Variants in BCAS3 observed in about 807,000 individuals in gnomAD.
BCAS3 encodes the protein BCAS4/BCAS3 fusion.
Under a neutral mutation model 116.1 loss-of-function variants are expected in BCAS3, and 53 were observed. The observed-to-expected ratio is 0.46, with a 90% CI of 0.37 to 0.57. The LOEUF (loss-of-function observed/expected upper bound fraction) is 0.57. BCAS3 is among the 20% of genes least tolerant of loss of function. BCAS3 has a pLI of 0.00. For missense variants in BCAS3, 917 were observed against 1,165.4 expected (o/e 0.79, Z 3.10); for synonymous variants, 391 against 408.2 (o/e 0.96, Z 0.51).
intron 7 of BCAS3, among the ~76,000 whole-genome samples, chr17:60,809,719 T>A (rs543353253): frequency 1.3e-5 from 2 of 152,288 alleles, no homozygotes; most frequent in East Asian, 3.9e-4. Context: ...TGAGGCTTCA[T>A]GCATATGCAG....
At chr17:60,929,148 C>T (rs1255742142) in intron 13 of BCAS3, among the ~76,000 whole-genome samples, 1 of 152,074 alleles carries the variant, frequency 6.6e-6, no homozygotes, top group East Asian at 1.9e-4. Flanking sequence ...AGGTAGGAGC[C>T]GGGCACATTG....
intron 7 of BCAS3, chr17:60,810,460 A>G: frequency 1.5e-6 from 1 of 645,534 alleles, no homozygotes; most frequent in East Asian, 3.2e-5. Flanking sequence ...GGACAGAGCA[A>G]GGAGCGTGGA....
rs1031224232 is a variant in BCAS3 at position 61,004,735 on chromosome 17, A to G, written c.1487-11016A>G. ...TCATTGAAAGAGTTATTAACATTGG[A>G]TGATGTGTTTTTGCAGGTGAGAATA... On this transcript the variant is annotated intron_variant, in intron 15 of 23. Coordinates refer to ENST00000407086, the MANE Select transcript of BCAS3 (RefSeq NM_017679.5). This position sits in a 1 kb window ranked among gnomAD's most constrained non-coding sequence, Gnocchi z 4.8. Among the ~76,000 whole-genome samples, 2 of 152,128 alleles carry G rather than the reference A, an allele frequency of 1.3e-5. No homozygotes were observed. The highest frequency in any genetic ancestry group is 2.4e-5 in the African/African-American group (1 of 41,434).
At chr17:60,811,729 T>C (rs1230826867) in intron 7 of BCAS3, among the ~76,000 whole-genome samples, 1 of 152,178 alleles carries the variant, frequency 6.6e-6, no homozygotes, top group Non-Finnish European at 1.5e-5. Flanking sequence ...GAACTTCTGC[T>C]GTTGAAAGGA....
chr17:61,063,276 G>GTT lies in BCAS3; in HGVS notation c.2030-11634_2030-11633dup, dbSNP rs1418232530. Among the ~76,000 whole-genome samples the GTT allele has an allele frequency of 6.9e-6, 1 of 145,742 alleles. No individual in the cohort carries two copies. The highest frequency in any genetic ancestry group is 2.5e-5 in the African/African-American group (1 of 39,994). On this transcript the variant is annotated intron_variant, in intron 19 of 23. Coordinates refer to ENST00000407086, the MANE Select transcript of BCAS3 (RefSeq NM_017679.5). The surrounding 1 kb of genome is among the most constrained non-coding windows in gnomAD (Gnocchi z 5.3). ...AGTTTTTTGTTTTTTTGTTGTTTTGGTTTTTTTTTTTGAGGCAGAGTCTTG... is the reference window on the plus strand; with the variant it reads ...AGTTTTTTGTTTTTTTGTTGTTTTGGTTTTTTTTTTTTTGAGGCAGAGTCTTG...
intron 19 of BCAS3, among the ~76,000 whole-genome samples, chr17:61,062,547 C>T (rs769928553): frequency 6.6e-6 from 1 of 152,112 alleles, no homozygotes; most frequent in Non-Finnish European, 1.5e-5. Context: ...AAATGAGTTG[C>T]ACTAGTGTGA....
rs2065241886 is a variant in BCAS3 at position 61,013,508 on chromosome 17, T to C, written c.1487-2243T>C. ...CTTAACTATGAAGCAGTTTTTCTCA[T>C]TTCTTCCACAAATATAATATTTTAA... On this transcript the variant is annotated intron_variant, in intron 15 of 23. Transcript: ENST00000407086. The surrounding 1 kb of genome is among the most constrained non-coding windows in gnomAD (Gnocchi z 4.4). 6.6e-6 allele frequency among the ~76,000 whole-genome samples: 1 copy of C among 152,080 alleles called. No homozygotes were observed. The highest frequency in any genetic ancestry group is 6.6e-5 in the Admixed American group (1 of 15,254).
intron 16 of BCAS3, 138 bp downstream of exon 16, chr17:61,016,039 T>G: frequency 3.3e-6 from 3 of 920,764 alleles, no homozygotes; most frequent in Non-Finnish European, 4.9e-6. Context: ...GGCATCAGAT[T>G]AAGTACAAAG....
chr17:60,924,439 C>G lies in BCAS3; in HGVS notation c.1026C>G (p.Gly342=), dbSNP rs1249496285. Residue 342 remains glycine (G), a synonymous_variant, in exon 13 of 24, where the codon GGC becomes GGG. Coordinates refer to ENST00000407086, the MANE Select transcript of BCAS3 (RefSeq NM_017679.5). ...VLVSEDSDSD[G]IVAHFPAHEK... Reference sequence around the variant, plus strand: ...TGAGTGAGGATTCTGACAGTGATGGCATTGTGGCCCACTTCCCTGCCCATG... The same window carrying G: ...TGAGTGAGGATTCTGACAGTGATGGGATTGTGGCCCACTTCCCTGCCCATG... The G allele has an allele frequency of 1.2e-6, 2 of 1,612,852 alleles. No individual in the cohort carries two copies. The highest frequency in any genetic ancestry group is 3.3e-5 in the Admixed American group (2 of 59,896).
At position 61,388,816 on chromosome 17, in the gene BCAS3, C is replaced by A. The variant is rs571960057; in HGVS notation, c.2594-3161C>A. Reference sequence around the variant, plus strand: ...TCCTCCCCTCCACTTCCCACACACACCCCTGCCTGCAGGGGGAGGAGCAGA... The same window carrying A: ...TCCTCCCCTCCACTTCCCACACACAACCCTGCCTGCAGGGGGAGGAGCAGA... On this transcript the variant is annotated intron_variant, in intron 23 of 23. Transcript: ENST00000407086. This position sits in a 1 kb window ranked among gnomAD's most constrained non-coding sequence, Gnocchi z 6.5. 1.1e-4 allele frequency: 123 copies of A among 1,074,946 alleles called. 1 individual carries two copies. In the East Asian group the frequency reaches 3.2e-3, roughly 28 times the overall value. 66.6% of individuals were successfully genotyped at this position (1,074,946 alleles called of 1,614,324 possible).
intron 19 of BCAS3, chr17:61,069,752 C>T (rs1307575306): frequency 1.5e-5 from 9 of 613,548 alleles, no homozygotes; most frequent in African/African-American, 3.8e-5. Context: ...GTGGGAGGAT[C>T]GCTTGAACAC....
At chr17:61,075,432 A>C (rs1010402970) in intron 20 of BCAS3, among the ~76,000 whole-genome samples, 1 of 152,150 alleles carries the variant, frequency 6.6e-6, no homozygotes, top group Non-Finnish European at 1.5e-5. Flanking sequence ...CTCATGCCTC[A>C]GCTTCTTGAG....
chr17:61,313,545 C>T lies in BCAS3; in HGVS notation c.2426-54782C>T, dbSNP rs1474497242. Among the ~76,000 whole-genome samples, 1 of 152,082 alleles carries T rather than the reference C, an allele frequency of 6.6e-6. No individual in the cohort carries two copies. Among genetic ancestry groups the T allele is most frequent in the Non-Finnish European group, 1.5e-5 (1 of 68,008 alleles). On this transcript the variant is annotated intron_variant, in intron 22 of 23. Coordinates refer to ENST00000407086, the MANE Select transcript of BCAS3 (RefSeq NM_017679.5). This position sits in a 1 kb window ranked among gnomAD's most constrained non-coding sequence, Gnocchi z 4.3. The stretch of plus-strand genomic sequence containing the variant: ...ACCCCACAGGAGAGGCCTGGCTGAA[C>T]GGGGATTTGTGTGGGCCAGACAATG...
At chr17:61,317,570 A>C (rs1420605763) in intron 22 of BCAS3, among the ~76,000 whole-genome samples, 1 of 152,118 alleles carries the variant, frequency 6.6e-6, no homozygotes, top group Non-Finnish European at 1.5e-5. Flanking sequence ...ACTCTAGGAG[A>C]GGGCTCGGCG....
At chr17:61,230,951 GT>G (rs1360173038) in intron 22 of BCAS3, among the ~76,000 whole-genome samples, 1 of 136,120 alleles carries the variant, frequency 7.3e-6, no homozygotes, top group East Asian at 2.3e-4. Flanking sequence ...CCAGCAGCTA[GT>G]TTTTGCCTTT....
intron 22 of BCAS3, among the ~76,000 whole-genome samples, chr17:61,172,796 T>C (rs543836740): frequency 9.2e-5 from 14 of 151,382 alleles, no homozygotes; most frequent in East Asian, 2.0e-4. Flanking sequence ...CAATCCTGGC[T>C]AACACGGTGA....
chr17:60,772,797 T>G (rs1457233612), intron 6 of BCAS3, among the ~76,000 whole-genome samples: 2 of 151,954 alleles, frequency 1.3e-5, no homozygotes, highest in East Asian at 3.9e-4. Flanking sequence ...CGCTTGAACC[T>G]GGGAGGTGGA....
chr17:61,289,449 C>T (rs2052162928), intron 22 of BCAS3, among the ~76,000 whole-genome samples: 1 of 152,192 alleles, frequency 6.6e-6, no homozygotes, highest in Non-Finnish European at 1.5e-5. Flanking sequence ...AGCAAATAAA[C>T]TGGCTTTAAT....
At chr17:61,052,153 ACTTTCC>A (rs909788704) in intron 19 of BCAS3, among the ~76,000 whole-genome samples, 6 of 152,020 alleles carry the variant, frequency 3.9e-5, no homozygotes, top group African/African-American at 1.4e-4. Flanking sequence ...TCTCTCTGTC[ACTTTCC>A]CTTTTTTGGA....
Sources: gnomAD v4.1 joint callset for allele counts (sites outside exome capture counted in the v4.1 genomes callset) on GRCh38, gnomAD v4.1.1 for gene constraint, Gnocchi (gnomAD v3.1) non-coding constraint, MANE v1.5 for transcripts, NCBI Gene and HGNC (gene_info 2026-07-23, HGNC 2026-07-21) for gene names.